The following ABCA13 variants were observed in gnomAD, a reference collection of about 807,000 sequenced individuals.
ABCA13 encodes ATP-binding cassette sub-family A member 13.
In ABCA13, 476 loss-of-function variants were observed where a neutral mutation model predicts 478.7. The observed-to-expected ratio is 0.99, with a 90% CI of 0.92 to 1.07. The LOEUF (loss-of-function observed/expected upper bound fraction) is 1.07. ABCA13 is among the 50% of genes least tolerant of loss of function. ABCA13 has a pLI of 0.00. For synonymous variants in ABCA13, 2,252 were observed against 2,158.9 expected, an observed-to-expected ratio of 1.04 and a Z score of -1.20; for missense variants, 6,060 against 5,910.6, an observed-to-expected ratio of 1.03 and a Z score of -0.83.
chr7:48,418,884 T>C (rs150965362), intron 41 of ABCA13, among the ~76,000 whole-genome samples: 1 of 152,340 alleles, frequency 6.6e-6, no homozygotes, highest in African/African-American at 2.4e-5. Context: ...CTCACATTGC[T>C]GTAAAGAAAT....
At chr7:48,203,948 AT>A (rs1233081507) in intron 3 of ABCA13, among the ~76,000 whole-genome samples, 1 of 151,610 alleles carries the variant, frequency 6.6e-6, no homozygotes, top group African/African-American at 2.4e-5. Context: ...ATTTTAATTT[AT>A]TTTTTTCTCC....
intron 58 of ABCA13, among the ~76,000 whole-genome samples, chr7:48,597,035 T>C (rs1585925136): frequency 6.6e-6 from 1 of 151,580 alleles, no homozygotes; most frequent in Non-Finnish European, 1.5e-5. Context: ...CACTGCAAGC[T>C]CCGCCTCCTG....
At chr7:48,288,871 T>G (rs1421423634) in intron 20 of ABCA13, among the ~76,000 whole-genome samples, 2 of 152,098 alleles carry the variant, frequency 1.3e-5, no homozygotes, top group African/African-American at 4.8e-5. Context: ...TGTCCTAGAA[T>G]TAAAGACCCC....
chr7:48,241,040 A>G lies in ABCA13; in HGVS notation c.1236A>G (p.Pro412=). The G allele has an allele frequency of 6.2e-7, 1 of 1,614,080 alleles. No individual in the cohort carries two copies. The highest frequency in any genetic ancestry group is 8.5e-7 in the Non-Finnish European group (1 of 1,179,886). Residue 412 remains proline, a synonymous_variant, in exon 10 of 62, where the codon CCA becomes CCG. Coordinates refer to ENST00000435803, the MANE Select transcript of ABCA13 (RefSeq NM_152701.5). The part of the protein sequence containing the change: ...LLNDSLSADG[P]KDNHTFPKIL... ...ATGACAGCTTGTCAGCAGATGGCCC[A>G]AAAGATAATCATACATTTCCAAAGA...
rs1787334744 is a variant in ABCA13, at chr7:48,221,329, T to G, written c.468+20T>G. The G allele has an allele frequency of 9.0e-7, 1 of 1,105,450 alleles. No homozygotes were observed. Among genetic ancestry groups the G allele is most frequent in the Non-Finnish European group, 1.3e-6 (1 of 775,316 alleles). 68.5% of individuals were successfully genotyped at this position (1,105,450 alleles called of 1,614,324 possible). A position where few individuals can be genotyped will look rare whatever the true frequency, so the allele number is the denominator to read the frequency against. ...TTTACAGTAAGTATCTTAACAATAGTTTGAAAATTAGTCTTCAGAGACAGA... is the reference window on the plus strand; with the variant it reads ...TTTACAGTAAGTATCTTAACAATAGGTTGAAAATTAGTCTTCAGAGACAGA... On this transcript the variant is annotated intron_variant, in intron 5 of 61. Transcript: ENST00000435803.
intron 55 of ABCA13, among the ~76,000 whole-genome samples, chr7:48,541,781 CTA>C (rs1360089639): frequency 2.7e-5 from 4 of 145,588 alleles, no homozygotes; most frequent in South Asian, 4.2e-4. Context: ...TTAGTTATAT[CTA>C]TATATATATT....
chr7:48,183,440 G>A (rs1795966220), intron 1 of ABCA13, among the ~76,000 whole-genome samples: 1 of 152,142 alleles, frequency 6.6e-6, no homozygotes, highest in Admixed American at 6.5e-5. Flanking sequence ...TGACATAAAA[G>A]GTGTAAAACT....
intron 23 of ABCA13, among the ~76,000 whole-genome samples, chr7:48,302,581 G>A (rs1351311153): frequency 6.6e-6 from 1 of 152,116 alleles, no homozygotes; most frequent in African/African-American, 2.4e-5. Flanking sequence ...CAACTTATAT[G>A]TGAGAATTTG....
At chr7:48,309,198 C>T (rs1412854254) in intron 23 of ABCA13, among the ~76,000 whole-genome samples, 1 of 152,008 alleles carries the variant, frequency 6.6e-6, no homozygotes, top group East Asian at 1.9e-4. Flanking sequence ...TTCCTATTCA[C>T]ATAGGTTCAT....
Position 48,473,339 on chromosome 7 carries a change from G to A in ABCA13, c.12975+1740G>A, listed in dbSNP as rs1382120127. On this transcript the variant is annotated intron_variant, in intron 45 of 61. Transcript: ENST00000435803. The stretch of plus-strand genomic sequence containing the variant: ...GCAAGCTTCCTTATGTGAGTATGTC[G>A]AAAAAGGAAAGGAATGTGCTCACTG... Among the ~76,000 whole-genome samples the A allele has an allele frequency of 2.6e-5, 4 of 152,194 alleles. No individual in the cohort carries two copies. In the South Asian group the frequency reaches 6.2e-4, roughly 24 times the overall value.
At position 48,206,146 on chromosome 7, in the gene ABCA13, A is replaced by C. The variant is rs937108224; in HGVS notation, c.287+7786A>C. On this transcript the variant is annotated intron_variant, in intron 3 of 61. Coordinates refer to ENST00000435803, the MANE Select transcript of ABCA13 (RefSeq NM_152701.5). Reference sequence around the variant, plus strand: ...ATATCCTTGGTGTTTGGCTTCTTTCACCCAGTAAAATGTTTTGAGATTTAT... The same window carrying C: ...ATATCCTTGGTGTTTGGCTTCTTTCCCCCAGTAAAATGTTTTGAGATTTAT... Among the ~76,000 whole-genome samples, 10 of 152,138 alleles carry C rather than the reference A, an allele frequency of 6.6e-5. No individual in the cohort carries two copies. In the South Asian group the frequency reaches 2.1e-3, roughly 32 times the overall value.
chr7:48,345,293 A>G (rs1807896760), intron 29 of ABCA13, among the ~76,000 whole-genome samples: 1 of 152,148 alleles, frequency 6.6e-6, no homozygotes, highest in Non-Finnish European at 1.5e-5. Context: ...AGTGTACTTC[A>G]TATATATATT....
intron 35 of ABCA13, 120 bp downstream of exon 35, chr7:48,376,692 G>A: frequency 8.5e-7 from 1 of 1,169,652 alleles, no homozygotes; most frequent in Non-Finnish European, 1.2e-6. Flanking sequence ...GGAAGTCTTA[G>A]GATATATATT....
At chr7:48,508,948 T>C (rs958340132) in intron 50 of ABCA13, among the ~76,000 whole-genome samples, 1 of 152,224 alleles carries the variant, frequency 6.6e-6, no homozygotes. Flanking sequence ...AAAGTACAAT[T>C]TATCGGGGTC....
At chr7:48,638,046 C>A (rs990185336) in intron 59 of ABCA13, among the ~76,000 whole-genome samples, 3 of 152,130 alleles carry the variant, frequency 2.0e-5, no homozygotes, top group African/African-American at 7.2e-5. Flanking sequence ...GGGCCTTGCA[C>A]AAGTGAGCAC....
chr7:48,463,840 AAGGAAAGG>A (rs1826564867), intron 43 of ABCA13, among the ~76,000 whole-genome samples: 1 of 151,828 alleles, frequency 6.6e-6, no homozygotes, highest in African/African-American at 2.4e-5. Flanking sequence ...ACGGAACGGA[AAGGAAAGG>A]AGGAAGGGAG....
At chr7:48,248,532 A>T (rs12112608) in intron 14 of ABCA13, 88 bp downstream of exon 14, 17,552 of 1,060,114 alleles carry the variant, frequency 0.017, 633 homozygotes, top group African/African-American at 0.13. Flanking sequence ...ATAGATCAAT[A>T]TGGTAGATTA....
intron 48 of ABCA13, among the ~76,000 whole-genome samples, chr7:48,500,929 T>G (rs972477624): frequency 4.6e-5 from 7 of 152,166 alleles, no homozygotes; most frequent in Admixed American, 3.3e-4. Flanking sequence ...CCATGGTGTG[T>G]CCCTCCCATC....
intron 58 of ABCA13, among the ~76,000 whole-genome samples, chr7:48,596,748 A>G (rs1454854929): frequency 6.6e-6 from 1 of 151,712 alleles, no homozygotes; most frequent in Non-Finnish European, 1.5e-5. Flanking sequence ...CAGTGAGCCA[A>G]GATCGGGCCA....
Sources: gnomAD v4.1 joint callset for allele counts (sites outside exome capture counted in the v4.1 genomes callset) on GRCh38, gnomAD v4.1.1 for gene constraint, MANE v1.5 for transcripts, NCBI Gene and HGNC (gene_info 2026-07-23, HGNC 2026-07-21) for gene names.